GAS2L3: variants seen among roughly 807,000 people sequenced by gnomAD.
GAS2L3 encodes the protein GAS2-like protein 3.
A neutral mutation model predicts 37.0 loss-of-function variants in GAS2L3; 28 were observed. The ratio of observed to expected loss-of-function variants is 0.76; its 90% confidence interval spans 0.56 to 1.04. GAS2L3 has a LOEUF of 1.04. Among genes scored for constraint, GAS2L3 ranks in the 50% least tolerant of loss-of-function variants. GAS2L3 has a pLI of 0.00. For synonymous variants in GAS2L3, 290 were observed against 296.6 expected, an observed-to-expected ratio of 0.98 and a Z score of 0.23; for missense variants, 793 against 817.6, an observed-to-expected ratio of 0.97 and a Z score of 0.37.
At chr12:100,615,385 T>A (rs909843701) in intron 6 of GAS2L3, among the ~76,000 whole-genome samples, 19 of 152,188 alleles carry the variant, frequency 1.2e-4, no homozygotes, top group Non-Finnish European at 1.6e-4. Context: ...ATTCTTTATA[T>A]ATTCTAGATA....
chr12:100,588,025 C>T (rs1200688236), intron 1 of GAS2L3, among the ~76,000 whole-genome samples: 1 of 151,984 alleles, frequency 6.6e-6, no homozygotes, highest in Non-Finnish European at 1.5e-5. Flanking sequence ...GCACTCCAGC[C>T]TGGGTGACAG....
chr12:100,580,988 C>T (rs1272775364), intron 1 of GAS2L3, among the ~76,000 whole-genome samples: 2 of 152,174 alleles, frequency 1.3e-5, no homozygotes, highest in Non-Finnish European at 2.9e-5. Flanking sequence ...TATGCATTCT[C>T]CTAGGTAGAG....
Position 100,622,261 on chromosome 12 carries a change from G to T in GAS2L3, c.649-14G>T. On this transcript the variant is annotated splice_polypyrimidine_tract_variant and intron_variant, in intron 8 of 9. Transcript: ENST00000547754. ...TTGTGACAAGCACTAAATTTTATTT[G>T]TTCGTCATCTTAGGTTAAACATATT... 7.1e-7 allele frequency: 1 copy of T among 1,405,500 alleles called. No individual in the cohort carries two copies. The highest frequency in any genetic ancestry group is 1.0e-6 in the Non-Finnish European group (1 of 1,004,470). 87.1% of individuals were successfully genotyped at this position (1,405,500 alleles called of 1,614,324 possible).
In GAS2L3 at chr12:100,602,600, A is replaced by G. The variant is rs144997625; in HGVS notation, c.303+847A>G. On this transcript the variant is annotated intron_variant, in intron 5 of 9. Transcript: ENST00000547754. Reference sequence around the variant, plus strand: ...AAGTAATAATCACATCATGGAAAATAGGATATCCATTCCCTCAAGCATTTA... The same window carrying G: ...AAGTAATAATCACATCATGGAAAATGGGATATCCATTCCCTCAAGCATTTA... Among the ~76,000 whole-genome samples, 295 of 152,144 alleles carry G rather than the reference A, an allele frequency of 1.9e-3. 2 individuals are homozygous for G. The highest frequency in any genetic ancestry group is 6.9e-3 in the African/African-American group (287 of 41,508).
At chr12:100,578,441 A>G (rs564595272) in intron 1 of GAS2L3, 1 of 154,878 alleles carries the variant, frequency 6.5e-6, no homozygotes, top group Non-Finnish European at 1.4e-5. Context: ...AATACATAGT[A>G]CTTGCGGTAG....
chr12:100,618,477 A>C lies in GAS2L3; in HGVS notation c.538A>C (p.Lys180Gln). 1.9e-6 allele frequency: 3 copies of C among 1,611,414 alleles called. No homozygotes were observed. The South Asian group carries it at 3.3e-5, about 18-fold the overall frequency. The stretch of plus-strand genomic sequence containing the variant: ...CGGGGTTGAGCCACCAGTGTTAGTA[A>C]AACTTGAGAAAGAAATTGAGTTAGA... ...RYGVEPPVLV[K>Q]LEKEIELEET... The change falls in exon 8 of 10, where the codon AAA becomes CAA. Residue 180 changes from lysine (K) to glutamine (Q), a missense_variant. Transcript: ENST00000547754.
rs1280608704 is a variant in GAS2L3 at position 100,624,024 on chromosome 12, G to C, written c.1219G>C (p.Ala407Pro). ...APSNNASSSL[A>P]SLNPVGKNTS... ...TTCAAACAATGCATCATCTTCACTTGCTTCATTAAATCCAGTAGGTAAAAA... is the reference window on the plus strand; with the variant it reads ...TTCAAACAATGCATCATCTTCACTTCCTTCATTAAATCCAGTAGGTAAAAA... The change falls in exon 10 of 10, where the codon GCT becomes CCT. Residue 407 changes from alanine to proline, a missense_variant. Transcript: ENST00000547754. 2 of 1,613,898 alleles carry C rather than the reference G, an allele frequency of 1.2e-6. No homozygotes were observed. The highest frequency in any genetic ancestry group is 1.7e-5 in the Admixed American group (1 of 59,974).
intron 5 of GAS2L3, among the ~76,000 whole-genome samples, chr12:100,608,564 C>T (rs1172114498): frequency 3.9e-5 from 6 of 152,132 alleles, no homozygotes; most frequent in Non-Finnish European, 1.5e-5. Context: ...CTCTGTCGCC[C>T]AGGCTGGAGT....
intron 1 of GAS2L3, among the ~76,000 whole-genome samples, chr12:100,583,799 A>T (rs1955744360): frequency 6.6e-6 from 1 of 152,246 alleles, no homozygotes; most frequent in South Asian, 2.1e-4. Flanking sequence ...TTCCTCTGGT[A>T]TATCAGGCAG....
intron 8 of GAS2L3, 28 bp downstream of exon 8, chr12:100,618,615 C>A: frequency 6.3e-7 from 1 of 1,587,044 alleles, no homozygotes; most frequent in Non-Finnish European, 8.6e-7. Context: ...TTTCTTTTGA[C>A]CATGATACCT....
intron 2 of GAS2L3, among the ~76,000 whole-genome samples, chr12:100,592,778 C>T (rs996484110): frequency 6.6e-5 from 10 of 152,008 alleles, no homozygotes; most frequent in African/African-American, 2.2e-4. Flanking sequence ...GACTTGGTTA[C>T]GTGAGAGGTC....
At chr12:100,583,836 C>T (rs950415661) in intron 1 of GAS2L3, among the ~76,000 whole-genome samples, 6 of 152,014 alleles carry the variant, frequency 3.9e-5, no homozygotes, top group Admixed American at 2.6e-4. Flanking sequence ...GCACCTTGAC[C>T]GTAATCACTG....
At chr12:100,579,741 G>C in intron 1 of GAS2L3, 1 of 737,022 alleles carries the variant, frequency 1.4e-6, no homozygotes, top group Admixed American at 2.0e-5. Flanking sequence ...TACCAGGGTT[G>C]GTGGAATTCC....
intron 1 of GAS2L3, among the ~76,000 whole-genome samples, chr12:100,577,434 A>G (rs995347255): frequency 5.3e-5 from 8 of 152,244 alleles, no homozygotes; most frequent in Non-Finnish European, 1.2e-4. Context: ...CTAATATAAA[A>G]TTAAGTTATT....
chr12:100,598,993 G>A (rs1235309046), intron 3 of GAS2L3, among the ~76,000 whole-genome samples: 1 of 152,066 alleles, frequency 6.6e-6, no homozygotes, highest in Non-Finnish European at 1.5e-5. Context: ...TCTGTATTGG[G>A]ACGTTCCCCC....
chr12:100,593,517 T>C (rs553061977), intron 2 of GAS2L3: 1 of 152,156 alleles, frequency 6.6e-6, no homozygotes. Flanking sequence ...TGATAGCTTC[T>C]TTGTGAATGT....
chr12:100,621,203 G>A (rs992223633), intron 8 of GAS2L3, among the ~76,000 whole-genome samples: 7 of 151,924 alleles, frequency 4.6e-5, no homozygotes, highest in South Asian at 2.1e-4. Context: ...ATATGAATTC[G>A]TTTTGATAAA....
Position 100,624,249 on chromosome 12 carries a change from A to T in GAS2L3, c.1444A>T (p.Arg482Ter), listed in dbSNP as rs1225367246. 1.2e-6 allele frequency: 2 copies of T among 1,614,132 alleles called. No individual in the cohort carries two copies. Among genetic ancestry groups the T allele is most frequent in the South Asian group, 2.2e-5 (2 of 91,086 alleles). ...TTTGAAACATAATCATATTTCTTCC[A>T]GAGATAATGCAGTATCTCACTTAGC... ...KYLKHNHISS[R>*]DNAVSHLAAH... Residue 482 changes from arginine (R) to a stop codon, truncating the protein, a stop_gained, in exon 10 of 10, where the codon AGA becomes TGA. Transcript: ENST00000547754. LOFTEE classifies it low-confidence loss of function (END_TRUNC).
intron 6 of GAS2L3, 77 bp from the exon 7 acceptor site, chr12:100,617,667 A>C: frequency 1.1e-6 from 1 of 874,602 alleles, no homozygotes; most frequent in South Asian, 1.5e-5. Flanking sequence ...TTTTTATTTA[A>C]CTCTCTTCTT....
Sources: gnomAD v4.1 joint callset for allele counts (sites outside exome capture counted in the v4.1 genomes callset) on GRCh38, gnomAD v4.1.1 for gene constraint, MANE v1.5 for transcripts, NCBI Gene and HGNC (gene_info 2026-07-23, HGNC 2026-07-21) for gene names.